The following HBS1L variants were observed in gnomAD, a reference collection of about 807,000 sequenced individuals.
The protein encoded by HBS1L is HBS1 like translational GTPase, also known as HBS1-like protein.
HBS1L carries 55 observed loss-of-function variants against 88.9 expected under a neutral mutation model. The observed-to-expected ratio is 0.62, with a 90% CI of 0.50 to 0.77. The LOEUF is 0.77. HBS1L is among the 30% of genes least tolerant of loss of function. HBS1L has a pLI of 0.00. For synonymous variants in HBS1L, 267 were observed against 288.5 expected, an observed-to-expected ratio of 0.93 and a Z score of 0.76; for missense variants, 741 against 829.3, an observed-to-expected ratio of 0.89 and a Z score of 1.31.
Position 134,997,615 on chromosome 6 carries a change from T to A in HBS1L, c.581A>T (p.Gln194Leu). ...EENGHSFHTP[Q>L]KGPPIEDAIA... ...GGCATCTTCAATGGGCGGTCCTTTT[T>A]GAGGTGTGTGGAAACTATGACCATT... The change falls in exon 6 of 18, where the codon CAA (glutamine) becomes CTA (leucine). Residue 194 changes from glutamine (Q) to leucine (L), a missense_variant. By Grantham distance (113) the Gln-to-Leu change is moderately radical. Around this residue, in one of 3 missense-constraint regions of HBS1L, gnomAD observed 556 missense variants for 598.4 expected, o/e 0.93. Coordinates refer to ENST00000367837, the MANE Select transcript of HBS1L (RefSeq NM_006620.4). The A allele has an allele frequency of 6.2e-7, 1 of 1,613,970 alleles. No individual in the cohort carries two copies. The highest frequency in any genetic ancestry group is 8.5e-7 in the Non-Finnish European group (1 of 1,179,898).
At position 134,973,453 on chromosome 6, in the gene HBS1L, T is replaced by C. The variant is rs548460632; in HGVS notation, c.1798-4115A>G. 1.4e-4 allele frequency among the ~76,000 whole-genome samples: 21 copies of C among 152,270 alleles called. 1 individual carries two copies. In the South Asian group the frequency reaches 4.1e-3, roughly 30 times the overall value. On this transcript the variant is annotated intron_variant, in intron 15 of 17. Transcript: ENST00000367837. ...ATCAGGGGATACCAAGAGGGAATAA[T>C]GGGAAGATACTGTGTCATGGGTACA...
In HBS1L at chr6:135,037,824, C is replaced by T. The variant is rs771996768; in HGVS notation, c.430+1749G>A. Reference sequence around the variant, plus strand: ...TTGTTAACTTACATGATTCTAGTTTCTTTTCACTTTTACGTGTGTCAAGTT... The same window carrying T: ...TTGTTAACTTACATGATTCTAGTTTTTTTTCACTTTTACGTGTGTCAAGTT... On this transcript the variant is annotated intron_variant, in intron 4 of 17. Coordinates refer to ENST00000367837, the MANE Select transcript of HBS1L (RefSeq NM_006620.4). The T allele has an allele frequency of 9.1e-6, 14 of 1,546,564 alleles. No homozygotes were observed. In the South Asian group the frequency reaches 1.7e-4, roughly 19 times the overall value.
At chr6:135,001,654 A>G (rs566308350) in intron 5 of HBS1L, among the ~76,000 whole-genome samples, 2 of 152,282 alleles carry the variant, frequency 1.3e-5, no homozygotes, top group South Asian at 4.1e-4. Context: ...TTAACAGGCT[A>G]AAGTTACTCA....
intron 8 of HBS1L, among the ~76,000 whole-genome samples, chr6:134,991,380 C>CCA (rs1775133091): frequency 1.3e-5 from 2 of 152,188 alleles, no homozygotes; most frequent in Non-Finnish European, 2.9e-5. Flanking sequence ...GTGGCAAATT[C>CCA]AAATTTTGCT....
At chr6:135,054,334 G>C (rs1777180047) in intron 1 of HBS1L, among the ~76,000 whole-genome samples, 1 of 152,254 alleles carries the variant, frequency 6.6e-6, no homozygotes, top group African/African-American at 2.4e-5. Context: ...AACATGGGAG[G>C]AAACAATGGA....
In HBS1L at chr6:134,997,565, T is replaced by C; in HGVS notation, c.631A>G (p.Thr211Ala). 6.2e-7 allele frequency: 1 copy of C among 1,614,040 alleles called. No homozygotes were observed. The highest frequency in any genetic ancestry group is 8.5e-7 in the Non-Finnish European group (1 of 1,179,970). The change falls in exon 6 of 18, where the codon ACT becomes GCT. Residue 211 changes from threonine (T) to alanine (A), a missense_variant. By Grantham distance (58) the Thr-to-Ala change is moderately conservative (BLOSUM62 0). Transcript: ENST00000367837. Reference protein sequence around the residue: ...DAIASSDVLETASKSANPPHT... With the variant: ...DAIASSDVLEAASKSANPPHT... ...GGTGGATTAGCAGATTTAGAAGCAG[T>C]CTCAAGAACATCGGAAGAAGCAATG...
At chr6:134,976,202 T>A (rs1220696306) in intron 15 of HBS1L, among the ~76,000 whole-genome samples, 1 of 152,070 alleles carries the variant, frequency 6.6e-6, no homozygotes, top group Non-Finnish European at 1.5e-5. Context: ...AAAGCCACAA[T>A]GGGATACCAC....
chr6:135,021,790 T>C (rs1280124814), intron 4 of HBS1L, among the ~76,000 whole-genome samples: 3 of 152,178 alleles, frequency 2.0e-5, no homozygotes, highest in Non-Finnish European at 4.4e-5. Flanking sequence ...CTACGTAAAA[T>C]TAGGCAATTT....
chr6:135,006,524 A>C (rs1775616997), intron 4 of HBS1L, among the ~76,000 whole-genome samples: 1 of 152,194 alleles, frequency 6.6e-6, no homozygotes, highest in Admixed American at 6.5e-5. Context: ...AGGCTGGCTC[A>C]GCTAAAGACA....
chr6:134,982,485 G>A lies in HBS1L; in HGVS notation c.1570C>T (p.Pro524Ser), dbSNP rs1397574384. The A allele has an allele frequency of 1.2e-6, 2 of 1,607,382 alleles. No homozygotes were observed. The highest frequency in any genetic ancestry group is 1.7e-6 in the Non-Finnish European group (2 of 1,174,630). ...TTCACGGTACAAGTTTCATTAGGAG[G>A]CATTGCCAGTAGTCGGTCACCAGTT... ...IQTGDRLLAM[P>S]PNETCTVKGI... is the part of the protein sequence containing the mutation. The change falls in exon 13 of 18, where the codon CCT (proline) becomes TCT (serine). Residue 524 changes from proline to serine, a missense_variant. This residue lies in a region of HBS1L where 181 missense variants were observed against 212.7 expected (regional missense o/e 0.85). Coordinates refer to ENST00000367837, the MANE Select transcript of HBS1L (RefSeq NM_006620.4).
chr6:134,994,492 G>A (rs1775237034), intron 7 of HBS1L, among the ~76,000 whole-genome samples: 1 of 152,028 alleles, frequency 6.6e-6, no homozygotes, highest in Non-Finnish European at 1.5e-5. Context: ...TTAGTGAAAT[G>A]CTTGGGACTA....
Position 135,039,698 on chromosome 6 carries a change from A to G in HBS1L, c.305T>C (p.Ile102Thr), listed in dbSNP as rs1175695702. 2 of 1,613,932 alleles carry G rather than the reference A, an allele frequency of 1.2e-6. No individual in the cohort carries two copies. The highest frequency in any genetic ancestry group is 2.7e-5 in the African/African-American group (2 of 74,930). ...LGDAVPDEIL[I>T]EAVLKNKFDV... ...AAACTTGTTCTTCAGAACTGCTTCA[A>G]TTAATATTTCATCTGGCACAGCATC... Residue 102 changes from isoleucine to threonine, a missense_variant, in exon 4 of 18, where the codon ATT (isoleucine) becomes ACT (threonine). Physicochemically the swap from Ile to Thr is moderately conservative, Grantham distance 89. Transcript: ENST00000367837.
rs1189974469 is a variant in HBS1L, at chr6:134,993,866, G to C, written c.975C>G (p.Thr325=). The C allele has an allele frequency of 1.3e-6, 2 of 1,559,618 alleles. No homozygotes were observed. The highest frequency in any genetic ancestry group is 1.1e-5 in the South Asian group (1 of 88,094). ...ETGEERERGV[T]MDVGMTKFET... ...CAAACTTTGTCATACCAACATCCAT[G>C]GTTACTCCCCTTAAACAAAACATAA... Residue 325 remains threonine (T), a synonymous_variant, in exon 8 of 18, where the codon ACC becomes ACG. Transcript: ENST00000367837.
At chr6:135,022,620 A>C (rs1776104438) in intron 4 of HBS1L, among the ~76,000 whole-genome samples, 1 of 152,096 alleles carries the variant, frequency 6.6e-6, no homozygotes, top group Non-Finnish European at 1.5e-5. Flanking sequence ...TACCTGTATA[A>C]GTATAAAATT....
chr6:134,965,156 AT>A lies in HBS1L; in HGVS notation c.*122del. On this transcript the variant is annotated 3_prime_UTR_variant, in exon 18 of 18. Coordinates refer to ENST00000367837, the MANE Select transcript of HBS1L (RefSeq NM_006620.4). Reference sequence around the variant, plus strand: ...TTCTTTGCAGCTAATTTTAGCTTTAATTTTTCTCTCTCATCTAAAAACATAT... The same window carrying A: ...TTCTTTGCAGCTAATTTTAGCTTTAATTTTCTCTCTCATCTAAAAACATAT... 1.2e-6 allele frequency: 1 copy of A among 856,446 alleles called. No homozygotes were observed. Among genetic ancestry groups the A allele is most frequent in the South Asian group, 1.5e-5 (1 of 68,140 alleles). 53.1% of individuals were successfully genotyped at this position (856,446 alleles called of 1,614,324 possible).
intron 4 of HBS1L, among the ~76,000 whole-genome samples, chr6:135,007,069 G>A (rs1775634661): frequency 6.6e-6 from 1 of 152,172 alleles, no homozygotes; most frequent in Admixed American, 6.5e-5. Context: ...CTGAAATTTT[G>A]GCTTTTAAAA....
At chr6:134,991,637 C>T (rs968551585) in intron 8 of HBS1L, among the ~76,000 whole-genome samples, 2 of 152,178 alleles carry the variant, frequency 1.3e-5, no homozygotes, top group Admixed American at 6.5e-5. Context: ...TCTTTTATCA[C>T]ATTCAGTCCA....
chr6:135,013,199 T>C (rs1444964152), intron 4 of HBS1L, among the ~76,000 whole-genome samples: 1 of 152,180 alleles, frequency 6.6e-6, no homozygotes, highest in Non-Finnish European at 1.5e-5. Context: ...AACAAAGATG[T>C]TAGGAGAACT....
intron 4 of HBS1L, chr6:135,036,977 C>T (rs752394217): frequency 1.9e-6 from 3 of 1,551,338 alleles, no homozygotes; most frequent in African/African-American, 1.4e-5. Context: ...TTTATAAGGA[C>T]ACTAAGATCA....
Sources: allele counts gnomAD v4.1 joint callset (sites outside exome capture counted in the v4.1 genomes callset), GRCh38; gene constraint gnomAD v4.1.1; regional missense constraint gnomAD v4.1.1; transcripts MANE v1.5; gene names NCBI Gene and HGNC (gene_info 2026-07-23, HGNC 2026-07-21).